The following LYZL4 variants were observed in gnomAD, a reference collection of about 807,000 sequenced individuals.
The protein encoded by LYZL4 is lysozyme like 4.
LYZL4 carries 13 observed loss-of-function variants against 17.6 expected under a neutral mutation model. That is an observed-to-expected ratio of 0.74 (90% CI 0.48 to 1.18). LYZL4 has a LOEUF of 1.18. Ranked by LOEUF, LYZL4 falls within the 50% of genes most tolerant of loss-of-function variation. The probability of loss-of-function intolerance (pLI) is 0.00; values close to 1 mark genes in which losing one functional copy is unlikely to be tolerated. For synonymous variants in LYZL4, 64 were observed against 67.7 expected, an observed-to-expected ratio of 0.95 and a Z score of 0.27; for missense variants, 174 against 188.2, an observed-to-expected ratio of 0.92 and a Z score of 0.44.
chr3:42,384,064 CAA>C, the LYZL4 span, among the ~76,000 whole-genome samples: 1 of 152,096 alleles, frequency 6.6e-6, no homozygotes, highest in Non-Finnish European at 1.5e-5. Flanking sequence ...TGTGAAATTT[CAA>C]AGTGTTAGAG....
chr3:42,386,051 A>T, the LYZL4 span, among the ~76,000 whole-genome samples: 1 of 152,026 alleles, frequency 6.6e-6, no homozygotes, highest in Non-Finnish European at 1.5e-5. Context: ...CACCGTTCTG[A>T]TTCCTGCTTC....
the LYZL4 span, among the ~76,000 whole-genome samples, chr3:42,369,944 G>T: frequency 6.6e-6 from 1 of 152,170 alleles, no homozygotes; most frequent in Non-Finnish European, 1.5e-5. Flanking sequence ...CTACTCGAGA[G>T]ATAGAGGTGG....
chr3:42,368,185 A>G, the LYZL4 span, among the ~76,000 whole-genome samples: 1 of 152,254 alleles, frequency 6.6e-6, no homozygotes, highest in Non-Finnish European at 1.5e-5. Context: ...GTTGCTGCGG[A>G]GCCCCAGGGC....
downstream of LYZL4, among the ~76,000 whole-genome samples, chr3:42,393,126 G>A (rs896372062): frequency 2.6e-5 from 4 of 152,190 alleles, no homozygotes; most frequent in Admixed American, 2.0e-4. Context: ...AGGGAGGAAG[G>A]AGGAAGCAGC....
chr3:42,382,149 C>T, the LYZL4 span, among the ~76,000 whole-genome samples: 1 of 152,238 alleles, frequency 6.6e-6, no homozygotes, highest in Non-Finnish European at 1.5e-5. Flanking sequence ...TATACAAAGT[C>T]TTTCACTAAT....
At chr3:42,388,540 C>T in the LYZL4 span, among the ~76,000 whole-genome samples, 1 of 152,152 alleles carries the variant, frequency 6.6e-6, no homozygotes, top group Non-Finnish European at 1.5e-5. Context: ...GTGCAGAGGG[C>T]CCCTCAGAGA....
At chr3:42,364,405 C>A in the LYZL4 span, among the ~76,000 whole-genome samples, 2 of 146,060 alleles carry the variant, frequency 1.4e-5, no homozygotes, top group African/African-American at 2.6e-5. Context: ...TGCAGTGGCA[C>A]GATCTTGGCT....
chr3:42,388,941 C>T, the LYZL4 span, among the ~76,000 whole-genome samples: 1 of 152,102 alleles, frequency 6.6e-6, no homozygotes, highest in African/African-American at 2.4e-5. Context: ...TTGGAGAGCC[C>T]CAGCAAGGAG....
chr3:42,375,760 G>A, the LYZL4 span, among the ~76,000 whole-genome samples: 1 of 152,168 alleles, frequency 6.6e-6, no homozygotes, highest in East Asian at 1.9e-4. Context: ...AATATATTAT[G>A]CTTCTCTTTA....
the LYZL4 span, among the ~76,000 whole-genome samples, chr3:42,372,246 C>T: frequency 6.6e-6 from 1 of 152,188 alleles, no homozygotes; most frequent in African/African-American, 2.4e-5. Context: ...GAATTCAAAT[C>T]CTAACTCTGC....
At chr3:42,408,858 C>T (rs902202482) in intron 1 of LYZL4, among the ~76,000 whole-genome samples, 1 of 152,162 alleles carries the variant, frequency 6.6e-6, no homozygotes, top group Non-Finnish European at 1.5e-5. Context: ...CACCTGGCCT[C>T]TAGATGCTAG....
chr3:42,371,335 T>G, the LYZL4 span, among the ~76,000 whole-genome samples: 2 of 152,230 alleles, frequency 1.3e-5, no homozygotes, highest in Non-Finnish European at 2.9e-5. Flanking sequence ...TGGGATTTCC[T>G]GACACTTGAA....
At chr3:42,390,704 T>C in the LYZL4 span, among the ~76,000 whole-genome samples, 1 of 152,226 alleles carries the variant, frequency 6.6e-6, no homozygotes, top group Non-Finnish European at 1.5e-5. Context: ...TCCATGGCTT[T>C]ACCCATTGTT....
At chr3:42,366,071 T>G in the LYZL4 span, among the ~76,000 whole-genome samples, 1 of 151,882 alleles carries the variant, frequency 6.6e-6, no homozygotes, top group South Asian at 2.1e-4. Context: ...AGTGGGGGAT[T>G]GTGGAAGGGT....
At chr3:42,388,040 G>A in the LYZL4 span, among the ~76,000 whole-genome samples, 8 of 152,130 alleles carry the variant, frequency 5.3e-5, no homozygotes, top group Admixed American at 3.3e-4. Flanking sequence ...GCAGGAGAGC[G>A]ATTCTCACAG....
downstream of LYZL4, among the ~76,000 whole-genome samples, chr3:42,393,775 AAC>A (rs1698518343): frequency 6.6e-6 from 1 of 152,112 alleles, no homozygotes; most frequent in Non-Finnish European, 1.5e-5. Context: ...TCAGCATTTT[AAC>A]AGTCGCCCCA....
At chr3:42,382,589 C>A in the LYZL4 span, among the ~76,000 whole-genome samples, 1 of 151,826 alleles carries the variant, frequency 6.6e-6, no homozygotes, top group South Asian at 2.1e-4. Flanking sequence ...TTCCCAATTT[C>A]TCTACTGATT....
At chr3:42,391,859 T>C in the LYZL4 span, among the ~76,000 whole-genome samples, 1 of 151,752 alleles carries the variant, frequency 6.6e-6, no homozygotes, top group Non-Finnish European at 1.5e-5. Flanking sequence ...AGTGATAGTA[T>C]ATTATCACTT....
the LYZL4 span, among the ~76,000 whole-genome samples, chr3:42,391,902 T>A: frequency 1.3e-5 from 2 of 150,136 alleles, no homozygotes; most frequent in African/African-American, 2.5e-5. Flanking sequence ...TGAGATGGAG[T>A]CTCACTCTGT....
Sources: allele counts gnomAD v4.1 joint callset (sites outside exome capture counted in the v4.1 genomes callset), GRCh38; gene constraint gnomAD v4.1.1; transcripts MANE v1.5; gene names NCBI Gene and HGNC (gene_info 2026-07-23, HGNC 2026-07-21).